CRB1: variants seen among roughly 807,000 people sequenced by gnomAD.
CRB1 encodes the protein protein crumbs homolog 1.
Under a neutral mutation model 120.0 loss-of-function variants are expected in CRB1, and 83 were observed. The ratio of observed to expected loss-of-function variants is 0.69; its 90% CI spans 0.58 to 0.83. The LOEUF (loss-of-function observed/expected upper bound fraction) is 0.83, where lower values mean the gene tolerates loss of function less well. Among genes scored for constraint, CRB1 ranks in the 40% least tolerant of loss-of-function variants. The probability of loss-of-function intolerance (pLI) is 0.00; values close to 1 mark genes in which losing one functional copy is unlikely to be tolerated. For synonymous variants in CRB1, 625 were observed against 612.5 expected (o/e 1.02, Z -0.30); for missense variants, 1,699 against 1,687.6 (o/e 1.01, Z -0.12).
chr1:197,428,906 T>C (rs146954530), intron 7 of CRB1: 2 of 1,479,274 alleles, frequency 1.4e-6, no homozygotes, highest in East Asian at 2.5e-5. Flanking sequence ...TTAAATACTT[T>C]CATTTTGAAT....
chr1:197,307,970 CA>C (rs1657271934), intron 1 of CRB1, among the ~76,000 whole-genome samples: 1 of 152,024 alleles, frequency 6.6e-6, no homozygotes. Context: ...ATCAGTCTAC[CA>C]AAGAGACACA....
At chr1:197,319,776 A>G (rs962883325) in intron 1 of CRB1, among the ~76,000 whole-genome samples, 1 of 152,098 alleles carries the variant, frequency 6.6e-6, no homozygotes, top group African/African-American at 2.4e-5. Context: ...GATGATGGCA[A>G]ATGGATGAAA....
At chr1:197,203,599 A>G in the CRB1 span, among the ~76,000 whole-genome samples, 42 of 152,320 alleles carry the variant, frequency 2.8e-4, no homozygotes, top group African/African-American at 9.4e-4. Flanking sequence ...AGCTGGGATT[A>G]TAGGTGTGAG....
At chr1:197,432,894 G>A (rs904042319) in intron 8 of CRB1, among the ~76,000 whole-genome samples, 2 of 152,046 alleles carry the variant, frequency 1.3e-5, no homozygotes, top group Admixed American at 1.3e-4. Flanking sequence ...CTTGGTATAA[G>A]TAACAGCAAG....
intron 5 of CRB1, among the ~76,000 whole-genome samples, chr1:197,385,882 A>T (rs567464628): frequency 1.3e-5 from 2 of 152,118 alleles, no homozygotes; most frequent in South Asian, 4.1e-4. Flanking sequence ...AGTTAACTAC[A>T]ATCAGAAGTG....
At chr1:197,412,956 C>T (rs1183760674) in intron 5 of CRB1, among the ~76,000 whole-genome samples, 1 of 152,116 alleles carries the variant, frequency 6.6e-6, no homozygotes, top group Admixed American at 6.5e-5. Context: ...CATACACTGC[C>T]CATGATAAGG....
chr1:197,414,025 G>A (rs755376165), intron 5 of CRB1: 20 of 442,856 alleles, frequency 4.5e-5, no homozygotes, highest in South Asian at 1.8e-4. Context: ...TCTTATATAC[G>A]CTAATTTGCA....
chr1:197,308,966 G>A (rs952968739), intron 1 of CRB1, among the ~76,000 whole-genome samples: 6 of 150,830 alleles, frequency 4.0e-5, no homozygotes, highest in African/African-American at 1.5e-4. Flanking sequence ...ATGTATATAT[G>A]TGGGTATATA....
chr1:197,241,447 T>G, the CRB1 span, among the ~76,000 whole-genome samples: 2 of 152,224 alleles, frequency 1.3e-5, 1 homozygote, highest in Admixed American at 1.3e-4. Flanking sequence ...ACACCATTTA[T>G]TAAATAAGGA....
At chr1:197,358,369 C>T (rs1167157366) in intron 5 of CRB1, among the ~76,000 whole-genome samples, 1 of 152,086 alleles carries the variant, frequency 6.6e-6, no homozygotes, top group Non-Finnish European at 1.5e-5. Flanking sequence ...CTGTGAAAGT[C>T]AAAGGACATT....
At chr1:197,251,108 AAGAGCATGAACTCTGAATAC>A in the CRB1 span, among the ~76,000 whole-genome samples, 4 of 152,002 alleles carry the variant, frequency 2.6e-5, no homozygotes, top group Non-Finnish European at 5.9e-5. Flanking sequence ...CACAGTGGCT[AAGAGCATGAACTCTGAATAC>A]AGAGTATCTG....
chr1:197,381,960 C>T (rs975381696), intron 5 of CRB1, among the ~76,000 whole-genome samples: 1 of 152,104 alleles, frequency 6.6e-6, no homozygotes, highest in Non-Finnish European at 1.5e-5. Context: ...AGGGTCTCTC[C>T]TCCTTTAGAC....
At chr1:197,242,767 C>T in the CRB1 span, among the ~76,000 whole-genome samples, 1 of 152,072 alleles carries the variant, frequency 6.6e-6, no homozygotes, top group Non-Finnish European at 1.5e-5. Context: ...CCTCTTTGTA[C>T]CTCTGGTAGA....
At chr1:197,356,248 T>C (rs533426926) in intron 4 of CRB1, among the ~76,000 whole-genome samples, 10 of 152,206 alleles carry the variant, frequency 6.6e-5, no homozygotes, top group Non-Finnish European at 1.2e-4. Flanking sequence ...AAAGAAAAAG[T>C]TCAAGTAGAG....
At chr1:197,418,451 C>T (rs1046326461) in intron 5 of CRB1, among the ~76,000 whole-genome samples, 4 of 152,106 alleles carry the variant, frequency 2.6e-5, no homozygotes, top group African/African-American at 4.8e-5. Flanking sequence ...GTGCTGTGGG[C>T]GTCTCTAAGA....
chr1:197,324,632 C>G (rs1658392400), intron 1 of CRB1, among the ~76,000 whole-genome samples: 1 of 152,090 alleles, frequency 6.6e-6, no homozygotes, highest in African/African-American at 2.4e-5. Context: ...GAAACTGAGG[C>G]AGAGCGATGT....
At chr1:197,273,839 C>T (rs1655040725) in intron 1 of CRB1, among the ~76,000 whole-genome samples, 1 of 151,926 alleles carries the variant, frequency 6.6e-6, no homozygotes, top group Non-Finnish European at 1.5e-5. Context: ...TTGTGTATTT[C>T]CTGACCCAAT....
rs1667284317 is a variant in CRB1 at position 197,478,178 on chromosome 1, C to G, written c.*299C>G. 2.6e-6 allele frequency: 1 copy of G among 382,960 alleles called. No individual in the cohort carries two copies. Among genetic ancestry groups the G allele is most frequent in the Non-Finnish European group, 4.8e-6 (1 of 206,220 alleles). The allele number at this position is 382,960 out of a possible 1,614,324, so 23.7% of individuals were successfully genotyped here. On this transcript the variant is annotated 3_prime_UTR_variant, in exon 12 of 12. Coordinates refer to ENST00000367400, the MANE Select transcript of CRB1 (RefSeq NM_201253.3). ...GTGGCTTTAGTGGCTATCACTGAAACTCTTTCCTCTTTTCAACCTGGGAAC... is the reference window on the plus strand; with the variant it reads ...GTGGCTTTAGTGGCTATCACTGAAAGTCTTTCCTCTTTTCAACCTGGGAAC...
chr1:197,477,068 C>T (rs184048761), intron 11 of CRB1, among the ~76,000 whole-genome samples: 42 of 152,294 alleles, frequency 2.8e-4, no homozygotes, highest in African/African-American at 9.1e-4. Context: ...TTGGATTCAG[C>T]GTTAAGCACA....
Sources: allele counts gnomAD v4.1 joint callset (sites outside exome capture counted in the v4.1 genomes callset), GRCh38; gene constraint gnomAD v4.1.1; transcripts MANE v1.5; gene names NCBI Gene and HGNC (gene_info 2026-07-23, HGNC 2026-07-21).